B3GALT1: variants seen among roughly 807,000 people sequenced by gnomAD.
B3GALT1 encodes beta-1,3-galactosyltransferase 1.
B3GALT1 carries 10 observed loss-of-function variants against 23.2 expected under a neutral mutation model. That is an observed-to-expected ratio of 0.43 (90% CI 0.27 to 0.73). B3GALT1 has a LOEUF of 0.73. B3GALT1 is among the 30% of genes least tolerant of loss of function. The pLI is 0.21. For synonymous variants in B3GALT1, 156 were observed against 141.5 expected, an observed-to-expected ratio of 1.10 and a Z score of -0.73; for missense variants, 299 against 405.4, an observed-to-expected ratio of 0.74 and a Z score of 2.25.
At chr2:167,374,329 T>G (rs751368536) in intron 1 of B3GALT1, among the ~76,000 whole-genome samples, 3 of 152,248 alleles carry the variant, frequency 2.0e-5, no homozygotes, top group Non-Finnish European at 4.4e-5. Context: ...AACATGCAAG[T>G]GCATGGGTCT....
intron 3 of B3GALT1, among the ~76,000 whole-genome samples, chr2:167,764,321 A>G (rs1687941228): frequency 1.3e-5 from 2 of 152,144 alleles, no homozygotes; most frequent in Admixed American, 6.5e-5. Context: ...TTCTCTTTCA[A>G]TTATGTGACA....
chr2:167,496,996 T>G (rs1255562364), intron 2 of B3GALT1, among the ~76,000 whole-genome samples: 2 of 152,180 alleles, frequency 1.3e-5, no homozygotes, highest in Non-Finnish European at 2.9e-5. Flanking sequence ...ATGGCACATG[T>G]ATACATATGT....
At chr2:167,663,771 C>CT (rs1558941177) in intron 3 of B3GALT1, among the ~76,000 whole-genome samples, 1 of 151,898 alleles carries the variant, frequency 6.6e-6, no homozygotes, top group Non-Finnish European at 1.5e-5. Flanking sequence ...TTTGAGAAGT[C>CT]TCTGTTCATG....
At chr2:167,710,185 TATAA>T (rs1221314155) in intron 3 of B3GALT1, among the ~76,000 whole-genome samples, 1 of 152,206 alleles carries the variant, frequency 6.6e-6, no homozygotes, top group African/African-American at 2.4e-5. Flanking sequence ...TCAGAAAGAC[TATAA>T]ATACTCAACC....
intron 2 of B3GALT1, among the ~76,000 whole-genome samples, chr2:167,533,650 T>C (rs904333369): frequency 6.6e-6 from 1 of 152,222 alleles, no homozygotes; most frequent in Admixed American, 6.5e-5. Context: ...AACTACCTAT[T>C]GTTTTTGTAC....
chr2:167,293,594 C>T (rs1015405017), intron 1 of B3GALT1, among the ~76,000 whole-genome samples: 4 of 152,096 alleles, frequency 2.6e-5, no homozygotes, highest in Non-Finnish European at 4.4e-5. Context: ...GCGCGCGCGG[C>T]TTGGGGCACT....
Position 167,663,409 on chromosome 2 carries a change from C to T in B3GALT1, c.-352+16443C>T, listed in dbSNP as rs1319295330. On this transcript the variant is annotated intron_variant, in intron 3 of 4. Coordinates refer to ENST00000392690, the MANE Select transcript of B3GALT1 (RefSeq NM_020981.4). The stretch of plus-strand genomic sequence containing the variant: ...AAGTCTTTGCTATTGTGAATAATGC[C>T]GCAATAAACATACGTGTGCATGTGT... 4.0e-5 allele frequency among the ~76,000 whole-genome samples: 6 copies of T among 151,722 alleles called. No homozygotes were observed. In the South Asian group the frequency reaches 6.2e-4, roughly 16 times the overall value.
intron 3 of B3GALT1, among the ~76,000 whole-genome samples, chr2:167,818,405 T>G (rs1259206032): frequency 6.6e-6 from 1 of 152,168 alleles, no homozygotes; most frequent in Non-Finnish European, 1.5e-5. Context: ...ACACCCAGTC[T>G]GCTGGCTCAT....
At chr2:167,814,283 G>C (rs1451720901) in intron 3 of B3GALT1, among the ~76,000 whole-genome samples, 2 of 152,106 alleles carry the variant, frequency 1.3e-5, no homozygotes, top group Non-Finnish European at 2.9e-5. Context: ...CATTTTCATG[G>C]GAGCTTAGTT....
intron 1 of B3GALT1, among the ~76,000 whole-genome samples, chr2:167,410,728 A>G (rs1409636878): frequency 1.3e-5 from 2 of 152,114 alleles, no homozygotes; most frequent in African/African-American, 2.4e-5. Flanking sequence ...CTGCACGTGT[A>G]TCCCAGAACT....
intron 3 of B3GALT1, among the ~76,000 whole-genome samples, chr2:167,730,315 A>G (rs184079905): frequency 1.2e-3 from 176 of 152,120 alleles, no homozygotes; most frequent in African/African-American, 4.0e-3. Flanking sequence ...GTGTGTCTCA[A>G]TTCTTAATGG....
intron 1 of B3GALT1, among the ~76,000 whole-genome samples, chr2:167,379,990 C>T (rs756449247): frequency 9.9e-5 from 15 of 152,126 alleles, no homozygotes; most frequent in Non-Finnish European, 1.8e-4. Context: ...GGCTCAGGCT[C>T]CTGATCCAGG....
intron 3 of B3GALT1, among the ~76,000 whole-genome samples, chr2:167,660,896 G>A (rs1452727773): frequency 6.6e-6 from 1 of 152,050 alleles, no homozygotes; most frequent in Non-Finnish European, 1.5e-5. Flanking sequence ...ATAGAATAAA[G>A]TAATGAGAGA....
chr2:167,858,164 T>C lies in B3GALT1; in HGVS notation c.-229-10647T>C, dbSNP rs190965433. ...AGAAAAGCAAAATTCTATGTCACATTAGTGCTAGTAATGACAATAGTCATG... is the reference window on the plus strand; with the variant it reads ...AGAAAAGCAAAATTCTATGTCACATCAGTGCTAGTAATGACAATAGTCATG... On this transcript the variant is annotated intron_variant, in intron 4 of 4. Coordinates refer to ENST00000392690, the MANE Select transcript of B3GALT1 (RefSeq NM_020981.4). Among the ~76,000 whole-genome samples, 77 of 152,242 alleles carry C rather than the reference T, an allele frequency of 5.1e-4. No homozygotes were observed. In the East Asian group the frequency reaches 0.015, roughly 29 times the overall value.
chr2:167,823,859 A>AGAT (rs1689159555), intron 4 of B3GALT1, among the ~76,000 whole-genome samples: 1 of 152,264 alleles, frequency 6.6e-6, no homozygotes, highest in African/African-American at 2.4e-5. Flanking sequence ...ATTTTAAATT[A>AGAT]GATAATATTT....
chr2:167,630,069 A>C (rs1685413861), intron 2 of B3GALT1, among the ~76,000 whole-genome samples: 1 of 151,810 alleles, frequency 6.6e-6, no homozygotes, highest in African/African-American at 2.4e-5. Flanking sequence ...ATTTGACCTT[A>C]GAGAATTGAA....
chr2:167,647,783 A>G (rs1285593392), intron 3 of B3GALT1, among the ~76,000 whole-genome samples: 1 of 151,352 alleles, frequency 6.6e-6, no homozygotes, highest in Non-Finnish European at 1.5e-5. Context: ...TTCTTTCTTT[A>G]TTTTTTAAAT....
chr2:167,342,964 A>G (rs997105390), intron 1 of B3GALT1, among the ~76,000 whole-genome samples: 3 of 152,194 alleles, frequency 2.0e-5, no homozygotes, highest in Non-Finnish European at 4.4e-5. Flanking sequence ...GCCCAAACAC[A>G]TATCACCTCA....
At chr2:167,803,421 T>A (rs1574270164) in intron 3 of B3GALT1, among the ~76,000 whole-genome samples, 1 of 152,290 alleles carries the variant, frequency 6.6e-6, no homozygotes, top group Admixed American at 6.5e-5. Context: ...AAATAAAAAC[T>A]TGCTGTGGCA....
Sources: gnomAD v4.1 joint callset for allele counts (sites outside exome capture counted in the v4.1 genomes callset) on GRCh38, gnomAD v4.1.1 for gene constraint, MANE v1.5 for transcripts, NCBI Gene and HGNC (gene_info 2026-07-23, HGNC 2026-07-21) for gene names.